Variants in TACC3 observed in about 807,000 individuals in gnomAD.
The protein encoded by TACC3 is transforming acidic coiled-coil containing protein 3, also known as transforming acidic coiled-coil-containing protein 3.
Under a neutral mutation model 86.0 loss-of-function variants are expected in TACC3, and 52 were observed. That is an observed-to-expected ratio of 0.60 (90% CI 0.48 to 0.76). TACC3 has a LOEUF of 0.76. Among genes scored for constraint, TACC3 ranks in the 30% least tolerant of loss-of-function variants. TACC3 has a pLI of 0.00. For synonymous variants in TACC3, 512 were observed against 430.0 expected, an observed-to-expected ratio of 1.19 and a Z score of -2.36; for missense variants, 1,120 against 1,070.4, an observed-to-expected ratio of 1.05 and a Z score of -0.65.
chr4:1,728,533 C>T lies in TACC3; in HGVS notation c.1131C>T (p.Ala377=), dbSNP rs1717829599. The change falls in exon 4 of 16, where the codon GCC becomes GCT. Residue 377 remains alanine, a synonymous_variant. Transcript: ENST00000313288. The part of the protein sequence containing the change: ...LRKAAVRQQK[A]PQEVEEDDGR... ...AAGCAGCAGTGAGGCAGCAAAAGGC[C>T]CCGCAGGAGGTGGAGGAGGACGACG... 12 of 1,613,848 alleles carry T rather than the reference C, an allele frequency of 7.4e-6. No individual in the cohort carries two copies. Among genetic ancestry groups the T allele is most frequent in the African/African-American group, 1.3e-5 (1 of 74,902 alleles).
Position 1,733,982 on chromosome 4 carries a change from A to AG in TACC3, c.1592-1291_1592-1290insG, listed in dbSNP as rs1322958248. ...ACAGAGCAAGACTCTGTCTCAAAAA[A>AG]AAAAAAAAGAAAAGAAAACTGACAA... On this transcript the variant is annotated intron_variant, in intron 6 of 15. Transcript: ENST00000313288. Among the ~76,000 whole-genome samples the AG allele has an allele frequency of 6.2e-4, 95 of 152,122 alleles. 1 individual carries two copies. The East Asian group carries it at 0.017, about 28-fold the overall frequency.
In TACC3 at chr4:1,728,472, T is replaced by G; in HGVS notation, c.1070T>G (p.Leu357Arg). 6.2e-7 allele frequency: 1 copy of G among 1,613,796 alleles called. No homozygotes were observed. The highest frequency in any genetic ancestry group is 8.5e-7 in the Non-Finnish European group (1 of 1,179,958). The change falls in exon 4 of 16, where the codon CTG becomes CGG. Residue 357 changes from leucine to arginine, a missense_variant. Transcript: ENST00000313288. The stretch of plus-strand genomic sequence containing the variant: ...AAAAGGGCACCCCCACCAAGGAGAC[T>G]GGGAGAGAGGTCCGGCCTCAAGCCT... The part of the protein sequence containing the change: ...TSKRAPPPRR[L>R]GERSGLKPPL...
chr4:1,727,846 C>T lies in TACC3; in HGVS notation c.444C>T (p.Ala148=). ...GCTCCAGCGAGTCTGGCCCAGGTGCCCTGGCTGACCTGGACTGCTCAAGCT... is the reference window on the plus strand; with the variant it reads ...GCTCCAGCGAGTCTGGCCCAGGTGCTCTGGCTGACCTGGACTGCTCAAGCT... ...SGSSSESGPG[A]LADLDCSSSS... is the part of the protein sequence containing the mutation. The change falls in exon 4 of 16, where the codon GCC becomes GCT. Residue 148 remains alanine, a synonymous_variant. Coordinates refer to ENST00000313288, the MANE Select transcript of TACC3 (RefSeq NM_006342.3). 1 of 1,613,340 alleles carries T rather than the reference C, an allele frequency of 6.2e-7. No homozygotes were observed. Among genetic ancestry groups the T allele is most frequent in the Non-Finnish European group, 8.5e-7 (1 of 1,180,026 alleles).
chr4:1,720,645 G>A, upstream of TACC3: 2 of 1,542,830 alleles, frequency 1.3e-6, no homozygotes, highest in Non-Finnish European at 1.7e-6. The surrounding 1 kb of genome is among the most constrained non-coding windows in gnomAD (Gnocchi z 4.4). Context: ...AGCGGCAGCA[G>A]CGAGTGGCAC....
At chr4:1,740,123 G>A (rs952692857) in intron 12 of TACC3, 121 bp downstream of exon 12, 20 of 977,170 alleles carry the variant, frequency 2.0e-5, no homozygotes, top group South Asian at 3.0e-5. Context: ...CCTAACACAC[G>A]AGTCCCTTCA....
intron 6 of TACC3, among the ~76,000 whole-genome samples, chr4:1,731,856 A>T (rs1314092760): frequency 6.6e-6 from 1 of 152,210 alleles, no homozygotes; most frequent in Non-Finnish European, 1.5e-5. Flanking sequence ...GCTGGTCTCA[A>T]ACTCTGACCT....
chr4:1,736,769 GT>G (rs1718288062), intron 8 of TACC3, among the ~76,000 whole-genome samples: 1 of 152,206 alleles, frequency 6.6e-6, no homozygotes, highest in South Asian at 2.1e-4. Context: ...AATTAGCCGG[GT>G]GAGGCGGCAG....
Position 1,730,978 on chromosome 4 carries a change from G to A in TACC3, c.1461+16G>A. On this transcript the variant is annotated intron_variant, in intron 5 of 15. Transcript: ENST00000313288. ...AGAGAGCAAGGTAAGGGGTGCTTGT[G>A]TGGGTACCTGTGCTCCTGGCCTGGT... 1 of 1,613,296 alleles carries A rather than the reference G, an allele frequency of 6.2e-7. No homozygotes were observed. The highest frequency in any genetic ancestry group is 8.5e-7 in the Non-Finnish European group (1 of 1,179,912).
chr4:1,727,845 C>A lies in TACC3; in HGVS notation c.443C>A (p.Ala148Asp), dbSNP rs776393463. ...SGSSSESGPG[A>D]LADLDCSSSS... Reference sequence around the variant, plus strand: ...AGCTCCAGCGAGTCTGGCCCAGGTGCCCTGGCTGACCTGGACTGCTCAAGC... The same window carrying A: ...AGCTCCAGCGAGTCTGGCCCAGGTGACCTGGCTGACCTGGACTGCTCAAGC... The change falls in exon 4 of 16, where the codon GCC becomes GAC. Residue 148 changes from alanine (A) to aspartate (D), a missense_variant. Physicochemically the swap from Ala to Asp is moderately radical, Grantham distance 126 (BLOSUM62 -2). Transcript: ENST00000313288. The A allele has an allele frequency of 1.2e-6, 2 of 1,613,202 alleles. No homozygotes were observed. Among genetic ancestry groups the A allele is most frequent in the Non-Finnish European group, 1.7e-6 (2 of 1,180,036 alleles).
intron 1 of TACC3, among the ~76,000 whole-genome samples, chr4:1,722,097 G>C (rs1239712012): frequency 2.6e-5 from 4 of 152,140 alleles, no homozygotes; most frequent in African/African-American, 9.7e-5. Context: ...CGCACCTGCT[G>C]CGCCGCTCCA....
intron 12 of TACC3, 146 bp downstream of exon 12, chr4:1,740,148 G>T: frequency 1.3e-6 from 1 of 770,388 alleles, no homozygotes; most frequent in East Asian, 2.6e-5. Context: ...GGGCCCGGCC[G>T]TGGAAGCACT....
rs368079610 is a variant in TACC3 at position 1,728,395 on chromosome 4, G to A, written c.993G>A (p.Ser331=). The stretch of plus-strand genomic sequence containing the variant: ...CTGCAGGCCAAATGGCCAGCTCCTC[G>A]AGGAGCGGACCTGTAAAACTAGAAT... ...EVAAGQMASS[S]RSGPVKLEFD... Residue 331 remains serine (S), a synonymous_variant, in exon 4 of 16, where the codon TCG becomes TCA. Transcript: ENST00000313288. 1.6e-4 allele frequency: 258 copies of A among 1,613,082 alleles called. No homozygotes were observed. The highest frequency in any genetic ancestry group is 1.9e-4 in the Non-Finnish European group (228 of 1,180,024).
chr4:1,740,946 G>A lies in TACC3; in HGVS notation c.2183G>A (p.Arg728His), dbSNP rs1409782023. ...MEKSFSDLFKRFEKQKEVIEG... is the reference protein window; with the variant it reads ...MEKSFSDLFKHFEKQKEVIEG... The stretch of plus-strand genomic sequence containing the variant: ...AAGTCCTTCTCCGACCTCTTCAAGC[G>A]TTTTGAGAAACAGAAAGAGGTGATC... The change falls in exon 13 of 16, where the codon CGT becomes CAT. Residue 728 changes from arginine (R) to histidine (H), a missense_variant. Coordinates refer to ENST00000313288, the MANE Select transcript of TACC3 (RefSeq NM_006342.3). 5.6e-6 allele frequency: 9 copies of A among 1,611,322 alleles called. No homozygotes were observed. The highest frequency in any genetic ancestry group is 4.4e-5 in the South Asian group (4 of 90,548).
chr4:1,728,656 C>T lies in TACC3; in HGVS notation c.1254C>T (p.Phe418=), dbSNP rs1188632759. The change falls in exon 4 of 16, where the codon TTC becomes TTT. Residue 418 remains phenylalanine, a synonymous_variant. Transcript: ENST00000313288. ...DKMDDPNFIP[F]GGDTKSGCSE... ...TGGATGACCCAAACTTCATCCCGTT[C>T]GGAGGTGACACCAAGTCTGGTTGCA... 13 of 1,613,728 alleles carry T rather than the reference C, an allele frequency of 8.1e-6. No homozygotes were observed. The highest frequency in any genetic ancestry group is 4.4e-5 in the South Asian group (4 of 91,088).
chr4:1,735,566 G>T lies in TACC3; in HGVS notation c.1645-165G>T, dbSNP rs1469070870. Reference sequence around the variant, plus strand: ...GCCCAGGATGAAACTCTGACACGCTGTGCTGCTGGGAATGGTGGTGTCTCG... The same window carrying T: ...GCCCAGGATGAAACTCTGACACGCTTTGCTGCTGGGAATGGTGGTGTCTCG... On this transcript the variant is annotated intron_variant, in intron 7 of 15. Coordinates refer to ENST00000313288, the MANE Select transcript of TACC3 (RefSeq NM_006342.3). The surrounding 1 kb of genome is among the most constrained non-coding windows in gnomAD (Gnocchi z 4.2). Among the ~76,000 whole-genome samples, 1 of 152,092 alleles carries T rather than the reference G, an allele frequency of 6.6e-6. No homozygotes were observed. The highest frequency in any genetic ancestry group is 1.5e-5 in the Non-Finnish European group (1 of 68,000).
In TACC3 at chr4:1,724,199, C is replaced by T. The variant is rs888668592; in HGVS notation, c.305+329C>T. ...TTAGCCAGGATGGTCTTGATCTCCT[C>T]CTGACCTCATGATGCGCCCGCCTTG... is the stretch of plus-strand genomic sequence containing the variant. On this transcript the variant is annotated intron_variant, in intron 3 of 15. Transcript: ENST00000313288. Among the ~76,000 whole-genome samples, 21 of 151,452 alleles carry T rather than the reference C, an allele frequency of 1.4e-4. No homozygotes were observed. In the East Asian group the frequency reaches 1.6e-3, roughly 11 times the overall value.
chr4:1,733,469 A>G (rs1030144254), intron 6 of TACC3, among the ~76,000 whole-genome samples: 1 of 151,750 alleles, frequency 6.6e-6, no homozygotes, highest in East Asian at 1.9e-4. Context: ...CCTGGGCAAC[A>G]TGGCAAGACC....
chr4:1,727,392 G>T (rs577440457), intron 3 of TACC3, among the ~76,000 whole-genome samples: 2 of 152,198 alleles, frequency 1.3e-5, no homozygotes, highest in Non-Finnish European at 2.9e-5. Flanking sequence ...GGCAAAGCGC[G>T]TGATGAGCAC....
chr4:1,737,708 G>T lies in TACC3; in HGVS notation c.1941+6G>T, dbSNP rs1280676082. Reference sequence around the variant, plus strand: ...AGAAGGACCTGGATGCAGTGGTAAGGACGCAGGTAGTAGCTATTCCACAGA... The same window carrying T: ...AGAAGGACCTGGATGCAGTGGTAAGTACGCAGGTAGTAGCTATTCCACAGA... On this transcript the variant is annotated splice_donor_region_variant and intron_variant, in intron 10 of 15. Coordinates refer to ENST00000313288, the MANE Select transcript of TACC3 (RefSeq NM_006342.3). 2 of 1,550,716 alleles carry T rather than the reference G, an allele frequency of 1.3e-6. No individual in the cohort carries two copies. The highest frequency in any genetic ancestry group is 1.7e-6 in the Non-Finnish European group (2 of 1,146,704).
Sources: allele counts gnomAD v4.1 joint callset (sites outside exome capture counted in the v4.1 genomes callset), GRCh38; gene constraint gnomAD v4.1.1; non-coding constraint Gnocchi (gnomAD v3.1); transcripts MANE v1.5; gene names NCBI Gene and HGNC (gene_info 2026-07-23, HGNC 2026-07-21).